The following CIB1 variants were observed in gnomAD, a reference collection of about 807,000 sequenced individuals.
CIB1 encodes the protein calcium and integrin-binding protein 1.
A neutral mutation model predicts 25.0 loss-of-function variants in CIB1; 19 were observed. That is an observed-to-expected ratio of 0.76 (90% confidence interval 0.53 to 1.12). The LOEUF (loss-of-function observed/expected upper bound fraction) is 1.12, where lower values mean the gene tolerates loss of function less well. Among genes scored for constraint, CIB1 ranks in the 50% most tolerant of loss-of-function variants. The pLI is 0.00. For synonymous variants in CIB1, 104 were observed against 98.5 expected, an observed-to-expected ratio of 1.06 and a Z score of -0.33; for missense variants, 236 against 242.6, an observed-to-expected ratio of 0.97 and a Z score of 0.18.
the CIB1 span, chr15:90,242,431 C>CTTTTTTTT: frequency 4.3e-3 from 284 of 65,504 alleles, 16 homozygotes; most frequent in Non-Finnish European, 6.2e-3. Flanking sequence ...TTTTCTGTTT[C>CTTTTTTTT]TTTTTTTTTT....
At chr15:90,254,266 G>A in the CIB1 span, among the ~76,000 whole-genome samples, 3 of 151,536 alleles carry the variant, frequency 2.0e-5, no homozygotes, top group Non-Finnish European at 4.4e-5. Context: ...AGGCCGAGGC[G>A]GGCGGATCAT....
chr15:90,245,472 CAAAAAAAAA>C, the CIB1 span: 6 of 122,782 alleles, frequency 4.9e-5, no homozygotes, highest in East Asian at 1.4e-3. Context: ...GACTTTGTCT[CAAAAAAAAA>C]AAAAAAGAAA....
At chr15:90,249,920 G>C in the CIB1 span, 2 of 152,054 alleles carry the variant, frequency 1.3e-5, no homozygotes, top group African/African-American at 4.8e-5. Context: ...CCAGCGTAGG[G>C]GGCTTTTGGT....
chr15:90,247,476 T>C, the CIB1 span, among the ~76,000 whole-genome samples: 1 of 151,016 alleles, frequency 6.6e-6, no homozygotes, highest in East Asian at 1.9e-4. Flanking sequence ...TGAGGAAAGA[T>C]CAAGAAGTCT....
At chr15:90,257,665 A>G in the CIB1 span, 9 of 1,614,156 alleles carry the variant, frequency 5.6e-6, no homozygotes, top group Non-Finnish European at 7.6e-6. Context: ...CTGACCAACT[A>G]TGCTATCAAC....
chr15:90,252,989 T>G, the CIB1 span, among the ~76,000 whole-genome samples: 1 of 151,988 alleles, frequency 6.6e-6, no homozygotes, highest in Non-Finnish European at 1.5e-5. Context: ...AGGGCGAAAC[T>G]CCGTCTCTAA....
At chr15:90,250,011 G>A in the CIB1 span, among the ~76,000 whole-genome samples, 1 of 151,838 alleles carries the variant, frequency 6.6e-6, no homozygotes, top group Admixed American at 6.6e-5. Context: ...AGGCTGGAGT[G>A]CAGTGGTGTG....
At chr15:90,250,997 AAG>A in the CIB1 span, 1 of 1,405,496 alleles carries the variant, frequency 7.1e-7, no homozygotes. Context: ...TAGCCTACAA[AAG>A]AGGACAGGAA....
At chr15:90,259,926 T>C in the CIB1 span, among the ~76,000 whole-genome samples, 3 of 152,254 alleles carry the variant, frequency 2.0e-5, no homozygotes, top group African/African-American at 7.2e-5. Flanking sequence ...GTTATCACTA[T>C]GATCACATTG....
the CIB1 span, chr15:90,257,567 A>C: frequency 7.1e-7 from 1 of 1,415,206 alleles, no homozygotes; most frequent in Non-Finnish European, 9.9e-7. Flanking sequence ...GGGAGCAACA[A>C]GGTAATGAAG....
At chr15:90,236,036 T>C (rs1398360878), upstream of CIB1, 2 of 152,154 alleles carry the variant, frequency 1.3e-5, no homozygotes, top group Non-Finnish European at 2.9e-5. Flanking sequence ...TGGTAATAAG[T>C]ATCTGTCTTC....
chr15:90,257,864 T>C, the CIB1 span: 4 of 960,710 alleles, frequency 4.2e-6, no homozygotes, highest in East Asian at 1.0e-4. Context: ...GCCTGCACTT[T>C]GGAGCTCTAA....
the CIB1 span, chr15:90,261,873 C>G: frequency 8.9e-6 from 6 of 673,120 alleles, no homozygotes; most frequent in East Asian, 3.0e-5. Context: ...GGCTTGGCAG[C>G]TTTCCCTACT....
chr15:90,253,386 G>C, the CIB1 span: 1 of 1,591,424 alleles, frequency 6.3e-7, no homozygotes, highest in South Asian at 1.1e-5. Context: ...CTCCTGACCT[G>C]AGAGCCGACA....
the CIB1 span, chr15:90,264,940 A>C: frequency 3.3e-6 from 5 of 1,535,698 alleles, no homozygotes; most frequent in South Asian, 5.9e-5. Context: ...GTTCCAGAGC[A>C]CTCCTCAACA....
chr15:90,253,162 G>C, the CIB1 span: 1 of 1,043,650 alleles, frequency 9.6e-7, no homozygotes, highest in Non-Finnish European at 1.5e-6. Flanking sequence ...CTCGGGTCAG[G>C]TGTATACCTT....
At chr15:90,257,172 G>A in the CIB1 span, 4 of 1,613,672 alleles carry the variant, frequency 2.5e-6, no homozygotes, top group East Asian at 4.5e-5. Context: ...TTTGATATGC[G>A]AGTCTACGTC....
chr15:90,242,527 C>G, the CIB1 span: 1 of 145,982 alleles, frequency 6.9e-6, no homozygotes, highest in Non-Finnish European at 1.5e-5. Flanking sequence ...ACTGCAACCT[C>G]CACCTCTAGG....
the CIB1 span, chr15:90,257,904 A>T: frequency 1.0e-6 from 1 of 955,186 alleles, no homozygotes; most frequent in Non-Finnish European, 1.6e-6. Context: ...CCTGATAACT[A>T]GTCCCTGCTC....
Sources: gnomAD v4.1 joint callset for allele counts (sites outside exome capture counted in the v4.1 genomes callset) on GRCh38, gnomAD v4.1.1 for gene constraint, MANE v1.5 for transcripts, NCBI Gene and HGNC (gene_info 2026-07-23, HGNC 2026-07-21) for gene names.